Variants in FGFR4 observed in about 807,000 individuals in gnomAD.
The protein encoded by FGFR4 is fibroblast growth factor receptor 4, also known as hydroxyaryl-protein kinase.
In FGFR4, 63 loss-of-function variants were observed where a neutral mutation model predicts 89.9. The ratio of observed to expected loss-of-function variants is 0.70; its 90% CI spans 0.57 to 0.86. The LOEUF is 0.86. FGFR4 is among the 40% of genes least tolerant of loss of function. The probability of loss-of-function intolerance (pLI) is 0.00; values close to 1 mark genes in which losing one functional copy is unlikely to be tolerated. For synonymous variants in FGFR4, 486 were observed against 479.4 expected (o/e 1.01, Z -0.18); for missense variants, 928 against 1,106.7 (o/e 0.84, Z 2.29).
chr5:177,089,741 C>T, intron 2 of FGFR4, 48 bp downstream of exon 2: 1 of 1,596,606 alleles, frequency 6.3e-7, no homozygotes, highest in African/African-American at 1.3e-5. Context: ...GAAGAGTGGG[C>T]ACCAGGAGGG....
chr5:177,090,695 C>T, intron 3 of FGFR4, 42 bp downstream of exon 3: 1 of 1,544,486 alleles, frequency 6.5e-7, no homozygotes, highest in East Asian at 2.3e-5. Context: ...CCTGGGGAGA[C>T]AGACCTGCCC....
At position 177,095,992 on chromosome 5, in the gene FGFR4, G is replaced by C. The variant is rs1784546247; in HGVS notation, c.1822-65G>C. On this transcript the variant is annotated intron_variant, in intron 13 of 17. Transcript: ENST00000292408. The surrounding 1 kb of genome is among the most constrained non-coding windows in gnomAD (Gnocchi z 5.7). ...AGGGCCCCTGCCCCCGGGCCTGCTG[G>C]GGGGTGGTGTGTGCTCAACTCCAGG... 1 of 1,569,596 alleles carries C rather than the reference G, an allele frequency of 6.4e-7. No individual in the cohort carries two copies. Among genetic ancestry groups the C allele is most frequent in the Non-Finnish European group, 8.6e-7 (1 of 1,157,048 alleles).
intron 1 of FGFR4, chr5:177,088,340 T>C: frequency 5.4e-6 from 1 of 183,904 alleles, no homozygotes; most frequent in Non-Finnish European, 1.2e-5. Context: ...GTGTGAACCA[T>C]CGCGCCCAGC....
chr5:177,090,294 G>T (rs757206540), intron 2 of FGFR4, 96 bp from the exon 3 acceptor site: 1 of 1,575,346 alleles, frequency 6.3e-7, no homozygotes, highest in African/African-American at 1.3e-5. Flanking sequence ...GCGTTGCAAA[G>T]TGCTTGTGCC....
At chr5:177,090,070 C>A in intron 2 of FGFR4, 1 of 667,244 alleles carries the variant, frequency 1.5e-6, no homozygotes, top group Non-Finnish European at 2.7e-6. Flanking sequence ...GCAGCATGAC[C>A]CTGTATGTGG....
chr5:177,088,243 G>A (rs1156830669), intron 1 of FGFR4: 2 of 164,118 alleles, frequency 1.2e-5, no homozygotes, highest in Non-Finnish European at 2.7e-5. Flanking sequence ...TAGTAGAGAC[G>A]GGGTTTCACC....
Position 177,097,574 on chromosome 5 carries a change from G to A in FGFR4, c.2307G>A (p.Gly769=), listed in dbSNP as rs769808160. ...TCGGACCCTATTCCCCCTCTGGTGG[G>A]GACGCCAGCAGCACCTGCTCCTCCA... The part of the protein sequence containing the change: ...LTFGPYSPSG[G]DASSTCSSSD... Residue 769 remains glycine, a synonymous_variant, in exon 18 of 18, where the codon GGG becomes GGA. Transcript: ENST00000292408. 6.2e-7 allele frequency: 1 copy of A among 1,614,040 alleles called. No homozygotes were observed. Among genetic ancestry groups the A allele is most frequent in the Non-Finnish European group, 8.5e-7 (1 of 1,179,990 alleles).
In FGFR4 at chr5:177,093,325, C is replaced by A. The variant is rs1784436682; in HGVS notation, c.1245C>A (p.Ala415=). The change falls in exon 9 of 18, where the codon GCC becomes GCA. Residue 415 remains alanine (A), a synonymous_variant. Coordinates refer to ENST00000292408, the MANE Select transcript of FGFR4 (RefSeq NM_213647.3). The surrounding 1 kb of genome is among the most constrained non-coding windows in gnomAD (Gnocchi z 5.8). ...AGAAGCTCTCCCGCTTCCCTCTGGC[C>A]CGACAGGTACTGGGCGCATCCCCCA... is the stretch of plus-strand genomic sequence containing the variant. ...TVQKLSRFPL[A]RQFSLESGSS... is the part of the protein sequence containing the mutation. 1.2e-6 allele frequency: 2 copies of A among 1,613,828 alleles called. No individual in the cohort carries two copies. The highest frequency in any genetic ancestry group is 1.7e-6 in the Non-Finnish European group (2 of 1,179,878).
Position 177,090,430 on chromosome 5 carries a change from G to C in FGFR4, c.132G>C (p.Glu44Asp). The C allele has an allele frequency of 6.2e-7, 1 of 1,605,412 alleles. No individual in the cohort carries two copies. The highest frequency in any genetic ancestry group is 1.1e-5 in the South Asian group (1 of 91,048). The change falls in exon 3 of 18, where the codon GAG (glutamate) becomes GAC (aspartate). Residue 44 changes from glutamate (E) to aspartate (D), a missense_variant. Glu to Asp is a conservative substitution (Grantham distance 45). Coordinates refer to ENST00000292408, the MANE Select transcript of FGFR4 (RefSeq NM_213647.3). ...LAPSLEQQEQELTVALGQPVR... is the reference protein window; with the variant it reads ...LAPSLEQQEQDLTVALGQPVR... ...CCAGCCTGGAGCAGCAAGAGCAGGA[G>C]CTGACAGTAGCCCTTGGGCAGCCTG... is the stretch of plus-strand genomic sequence containing the variant.
intron 8 of FGFR4, 110 bp downstream of exon 8, chr5:177,092,894 G>A: frequency 6.5e-7 from 1 of 1,539,292 alleles, no homozygotes; most frequent in Non-Finnish European, 8.9e-7. Context: ...GTCTGGCCTG[G>A]GGGGCAGTGT....
Position 177,096,588 on chromosome 5 carries a change from C to G in FGFR4, c.2016-16C>G. On this transcript the variant is annotated splice_polypyrimidine_tract_variant and intron_variant, in intron 15 of 17. Coordinates refer to ENST00000292408, the MANE Select transcript of FGFR4 (RefSeq NM_213647.3). ...GGAGGGCGCTGAGCCACACTGAGCC[C>G]TGGCCCTACCTCCAGGTGGTCTTTT... is the stretch of plus-strand genomic sequence containing the variant. The G allele has an allele frequency of 1.2e-6, 2 of 1,613,306 alleles. No individual in the cohort carries two copies. The highest frequency in any genetic ancestry group is 1.7e-6 in the Non-Finnish European group (2 of 1,179,656).
chr5:177,088,119 C>T (rs1322608020), intron 1 of FGFR4: 1 of 156,728 alleles, frequency 6.4e-6, no homozygotes, highest in Non-Finnish European at 1.4e-5. Flanking sequence ...GTGGCGCGAT[C>T]TCGGCTCACT....
Position 177,093,556 on chromosome 5 carries a change from G to A in FGFR4, c.1397+5G>A, listed in dbSNP as rs776347350. The A allele has an allele frequency of 6.2e-6, 10 of 1,613,056 alleles. No individual in the cohort carries two copies. The highest frequency in any genetic ancestry group is 5.9e-6 in the Non-Finnish European group (7 of 1,179,432). ...ATGGGAGTTCCCCCGGGACAGGTGC[G>A]CTGAGCTGTGTGGGGGCAGGGACGC... is the stretch of plus-strand genomic sequence containing the variant. On this transcript the variant is annotated splice_donor_5th_base_variant and intron_variant, in intron 10 of 17. Coordinates refer to ENST00000292408, the MANE Select transcript of FGFR4 (RefSeq NM_213647.3). The surrounding 1 kb of genome is among the most constrained non-coding windows in gnomAD (Gnocchi z 5.8).
In FGFR4 at chr5:177,092,397, G is replaced by T. The variant is rs1168328358; in HGVS notation, c.804G>T (p.Glu268Asp). ...NTTAVVGSDV[E>D]LLCKVYSDAQ... is the part of the protein sequence containing the mutation. ...CAGCCGTGGTGGGCAGCGACGTGGA[G>T]CTGCTGTGCAAGGTGTACAGCGATG... The change falls in exon 7 of 18, where the codon GAG becomes GAT. Residue 268 changes from glutamate (E) to aspartate (D), a missense_variant. By Grantham distance (45) the Glu-to-Asp change is conservative. Coordinates refer to ENST00000292408, the MANE Select transcript of FGFR4 (RefSeq NM_213647.3). 1 of 1,608,322 alleles carries T rather than the reference G, an allele frequency of 6.2e-7. No homozygotes were observed.
intron 5 of FGFR4, 42 bp downstream of exon 5, chr5:177,091,146 A>C: frequency 6.7e-7 from 1 of 1,501,312 alleles, no homozygotes; most frequent in South Asian, 1.3e-5. Flanking sequence ...CCCCATTTTC[A>C]TTCCTTCATC....
Position 177,091,119 on chromosome 5 carries a change from T to C in FGFR4, c.603+15T>C. ...GAGGCATTCGGGTGAGTCTCTGGGT[T>C]CCAAGACCGTCTGCTCCCCCATTTT... On this transcript the variant is annotated intron_variant, in intron 5 of 17. Coordinates refer to ENST00000292408, the MANE Select transcript of FGFR4 (RefSeq NM_213647.3). 1 of 1,540,030 alleles carries C rather than the reference T, an allele frequency of 6.5e-7. No individual in the cohort carries two copies. The highest frequency in any genetic ancestry group is 1.4e-5 in the African/African-American group (1 of 73,424).
At position 177,096,706 on chromosome 5, in the gene FGFR4, T is replaced by C. The variant is rs151207425; in HGVS notation, c.2118T>C (p.His706=). 500 of 1,599,518 alleles carry C rather than the reference T, an allele frequency of 3.1e-4. No individual in the cohort carries two copies. The highest frequency in any genetic ancestry group is 3.5e-4 in the Non-Finnish European group (408 of 1,172,782). ...EELFSLLREG[H]RMDRPPHCPP... ...TGTTCTCGCTGCTGCGGGAGGGACA[T>C]CGGATGGACCGACCCCCACACTGCC... Residue 706 remains histidine, a synonymous_variant, in exon 16 of 18, where the codon CAT becomes CAC. Coordinates refer to ENST00000292408, the MANE Select transcript of FGFR4 (RefSeq NM_213647.3).
chr5:177,096,500 C>T (rs1433643128), intron 15 of FGFR4, 104 bp from the exon 16 acceptor site: 6 of 1,535,254 alleles, frequency 3.9e-6, no homozygotes, highest in Non-Finnish European at 5.3e-6. Context: ...CAGGAGGAGC[C>T]CATTCCCCAA....
At position 177,095,261 on chromosome 5, in the gene FGFR4, CA is replaced by C; in HGVS notation, c.1520-68del. ...CCCTGGTCCAGTGCTGCTTGTCCTG[CA>C]CCTGCCTCTGCATGCTCCCTCGTGC... On this transcript the variant is annotated intron_variant, in intron 11 of 17. Transcript: ENST00000292408. This position sits in a 1 kb window ranked among gnomAD's most constrained non-coding sequence, Gnocchi z 5.7. The C allele has an allele frequency of 7.7e-7, 1 of 1,296,270 alleles. No individual in the cohort carries two copies. The highest frequency in any genetic ancestry group is 2.3e-5 in the East Asian group (1 of 43,178). 80.3% of individuals were successfully genotyped at this position (1,296,270 alleles called of 1,614,324 possible).
Sources: gnomAD v4.1 joint callset for allele counts on GRCh38, gnomAD v4.1.1 for gene constraint, Gnocchi (gnomAD v3.1) non-coding constraint, MANE v1.5 for transcripts, NCBI Gene and HGNC (gene_info 2026-07-23, HGNC 2026-07-21) for gene names.